SLC2A13: variants seen among roughly 807,000 people sequenced by gnomAD.
The protein encoded by SLC2A13 is solute carrier family 2 member 13, also known as proton myo-inositol cotransporter.
A neutral mutation model predicts 64.4 loss-of-function variants in SLC2A13; 32 were observed. The ratio of observed to expected loss-of-function variants is 0.50; its 90% CI spans 0.37 to 0.67. The LOEUF (loss-of-function observed/expected upper bound fraction) is 0.67. SLC2A13 is among the 30% of genes least tolerant of loss of function. SLC2A13 has a pLI of 0.00. For synonymous variants in SLC2A13, 338 were observed against 327.1 expected (o/e 1.03, Z -0.36); for missense variants, 743 against 829.2 (o/e 0.90, Z 1.28).
Position 40,017,076 on chromosome 12 carries a change from G to A in SLC2A13, c.925+11225C>T, listed in dbSNP as rs569535. 8.9e-3 allele frequency among the ~76,000 whole-genome samples: 1,360 copies of A among 152,180 alleles called. 20 individuals are homozygous for A. The highest frequency in any genetic ancestry group is 0.031 in the African/African-American group (1,290 of 41,512). The stretch of plus-strand genomic sequence containing the variant: ...TCTCATGATGACTAAGTAGGACAGA[G>A]GGAAGGAGTCTACACACTGTAAGAG... On this transcript the variant is annotated intron_variant, in intron 3 of 9. Coordinates refer to ENST00000280871, the MANE Select transcript of SLC2A13 (RefSeq NM_052885.4).
At chr12:39,801,224 T>C (rs1316791427) in intron 7 of SLC2A13, among the ~76,000 whole-genome samples, 1 of 87,704 alleles carries the variant, frequency 1.1e-5, no homozygotes, top group African/African-American at 3.5e-5. Context: ...TGTGCACATG[T>C]ACCCTAAAAC....
At position 39,755,869 on chromosome 12, in the gene SLC2A13, T is replaced by A. The variant is rs947919602; in HGVS notation, c.*4157A>T. The A allele has an allele frequency of 5.9e-5, 9 of 152,048 alleles. No homozygotes were observed. The highest frequency in any genetic ancestry group is 2.0e-4 in the Admixed American group (3 of 15,216). 9.4% of individuals were successfully genotyped at this position (152,048 alleles called of 1,614,324 possible). ...AAATTATACGGATAAAATACTTTCA[T>A]GAACTTCTGAACATCAACACTCTTA... On this transcript the variant is annotated 3_prime_UTR_variant, in exon 10 of 10. Coordinates refer to ENST00000280871, the MANE Select transcript of SLC2A13 (RefSeq NM_052885.4).
intron 7 of SLC2A13, among the ~76,000 whole-genome samples, chr12:39,785,446 A>T (rs535725329): frequency 1.3e-5 from 2 of 152,336 alleles, no homozygotes; most frequent in South Asian, 4.1e-4. Context: ...ATGTATGGAA[A>T]TGCCTGGATG....
intron 1 of SLC2A13, among the ~76,000 whole-genome samples, chr12:40,073,530 T>A (rs1463150541): frequency 1.3e-5 from 2 of 152,136 alleles, no homozygotes. Flanking sequence ...CTTACGTAGA[T>A]CTGAGTTTCT....
At chr12:40,006,808 A>C (rs1947428935) in intron 3 of SLC2A13, among the ~76,000 whole-genome samples, 1 of 152,240 alleles carries the variant, frequency 6.6e-6, no homozygotes, top group Admixed American at 6.5e-5. Flanking sequence ...CCATGTCTAC[A>C]GTGTCGGCTA....
intron 3 of SLC2A13, among the ~76,000 whole-genome samples, chr12:39,976,322 G>A (rs1422206651): frequency 6.6e-6 from 1 of 152,132 alleles, no homozygotes; most frequent in Non-Finnish European, 1.5e-5. Context: ...ATTAGACATG[G>A]TCCTTGATGT....
intron 4 of SLC2A13, among the ~76,000 whole-genome samples, chr12:39,899,997 C>A (rs941184106): frequency 1.3e-5 from 2 of 152,076 alleles, no homozygotes; most frequent in Non-Finnish European, 2.9e-5. Context: ...CCACCATGAT[C>A]AAGTGGGCTT....
intron 1 of SLC2A13, among the ~76,000 whole-genome samples, chr12:40,069,364 T>C (rs1222932569): frequency 4.6e-5 from 7 of 152,114 alleles, no homozygotes; most frequent in African/African-American, 1.7e-4. Context: ...TTTAGTGGTA[T>C]TTAGTAACAA....
chr12:40,080,523 TG>T (rs1565618729), intron 1 of SLC2A13, among the ~76,000 whole-genome samples: 1 of 152,158 alleles, frequency 6.6e-6, no homozygotes, highest in Non-Finnish European at 1.5e-5. Context: ...CCTGAGTAGC[TG>T]GGATTACAGG....
rs1268921303 is a variant in SLC2A13, at chr12:39,795,921, T to C, written c.1446-31063A>G. ...GTCATCAATTCATCCTTTTAAAGCA[T>C]ATAACTCAGTGATTTTCAGTATATT... On this transcript the variant is annotated intron_variant, in intron 7 of 9. Transcript: ENST00000280871. Among the ~76,000 whole-genome samples, 3 of 152,192 alleles carry C rather than the reference T, an allele frequency of 2.0e-5. No individual in the cohort carries two copies. In the East Asian group the frequency reaches 5.8e-4, roughly 29 times the overall value.
intron 1 of SLC2A13, among the ~76,000 whole-genome samples, chr12:40,080,717 T>C (rs369899085): frequency 1.3e-5 from 2 of 152,224 alleles, no homozygotes; most frequent in African/African-American, 4.8e-5. Context: ...AAGGTTAATA[T>C]TGATGTTAAG....
chr12:39,834,743 C>T (rs1233085333), intron 6 of SLC2A13, among the ~76,000 whole-genome samples: 1 of 151,982 alleles, frequency 6.6e-6, no homozygotes, highest in Non-Finnish European at 1.5e-5. Flanking sequence ...GACAAGATTT[C>T]CTACCACTCT....
rs1158126836 is a variant in SLC2A13, at chr12:40,105,429, G to C, written c.380C>G (p.Thr127Arg). The C allele has an allele frequency of 6.4e-7, 1 of 1,553,428 alleles. No individual in the cohort carries two copies. Among genetic ancestry groups the C allele is most frequent in the East Asian group, 2.4e-5 (1 of 41,172 alleles). ...ALWQELLVSS[T>R]VGAAAVSALA... ...CGCCGAGACGGCAGCCGCCCCCACCGTGCTGGACACCAGCAGCTCCTGCCA... is the reference window on the plus strand; with the variant it reads ...CGCCGAGACGGCAGCCGCCCCCACCCTGCTGGACACCAGCAGCTCCTGCCA... The change falls in exon 1 of 10, where the codon ACG (threonine) becomes AGG (arginine). Residue 127 changes from threonine to arginine, a missense_variant. Physicochemically the swap from Thr to Arg is moderately conservative, Grantham distance 71. This residue lies in a region of SLC2A13 where 448 missense variants were observed against 447.4 expected (regional missense o/e 1.00). Coordinates refer to ENST00000280871, the MANE Select transcript of SLC2A13 (RefSeq NM_052885.4). This position sits in a 1 kb window ranked among gnomAD's most constrained non-coding sequence, Gnocchi z 4.2.
chr12:39,929,561 A>T (rs896685121), intron 4 of SLC2A13, among the ~76,000 whole-genome samples: 10 of 151,686 alleles, frequency 6.6e-5, no homozygotes, highest in African/African-American at 2.4e-4. Context: ...AAAAAAAAAA[A>T]GCAAAAGACA....
chr12:39,760,152 T>A lies in SLC2A13; in HGVS notation c.1821A>T (p.Ser607=). 6.2e-7 allele frequency: 1 copy of A among 1,612,806 alleles called. No individual in the cohort carries two copies. The highest frequency in any genetic ancestry group is 2.2e-5 in the East Asian group (1 of 44,814). ...ATGTACATAGCCTGTTGTCAAAGAG[T>A]GATTCAATTTCCTCTAATTTTTTGC... ...TKGKKLEEIE[S]LFDNRLCTCG... The change falls in exon 10 of 10, where the codon TCA becomes TCT. Residue 607 remains serine, a synonymous_variant. Coordinates refer to ENST00000280871, the MANE Select transcript of SLC2A13 (RefSeq NM_052885.4).
At chr12:39,763,366 A>T (rs947193636) in intron 9 of SLC2A13, among the ~76,000 whole-genome samples, 1 of 152,066 alleles carries the variant, frequency 6.6e-6, no homozygotes, top group African/African-American at 2.4e-5. Flanking sequence ...GTCAGAAGAG[A>T]TGGGGAATAG....
At chr12:39,998,243 G>C (rs1392361079) in intron 3 of SLC2A13, among the ~76,000 whole-genome samples, 1 of 152,228 alleles carries the variant, frequency 6.6e-6, no homozygotes, top group Non-Finnish European at 1.5e-5. Flanking sequence ...ACCTGCAGGA[G>C]ACTGGAAACT....
At position 39,968,760 on chromosome 12, in the gene SLC2A13, GTATA is replaced by G. The variant is rs56838055; in HGVS notation, c.926-17399_926-17396del. Among the ~76,000 whole-genome samples the G allele has an allele frequency of 6.5e-4, 39 of 59,826 alleles. 1 individual carries two copies. Among genetic ancestry groups the G allele is most frequent in the Admixed American group, 1.2e-3 (6 of 5,118 alleles). The allele number at this position is 59,826 out of a possible 152,430, so 39.2% of individuals were successfully genotyped here. On this transcript the variant is annotated intron_variant, in intron 3 of 9. Transcript: ENST00000280871. ...TTTTTATTTTTGTTGTTTTTTTTTG[GTATA>G]TATATATATATATATATATATATAT...
intron 6 of SLC2A13, among the ~76,000 whole-genome samples, chr12:39,834,326 CA>C (rs1265594735): frequency 6.6e-6 from 1 of 151,970 alleles, no homozygotes; most frequent in Non-Finnish European, 1.5e-5. Flanking sequence ...AACTCAGAAA[CA>C]AAGATTTCTA....
Sources: allele counts gnomAD v4.1 joint callset (sites outside exome capture counted in the v4.1 genomes callset), GRCh38; gene constraint gnomAD v4.1.1; regional missense constraint gnomAD v4.1.1; non-coding constraint Gnocchi (gnomAD v3.1); transcripts MANE v1.5; gene names NCBI Gene and HGNC (gene_info 2026-07-23, HGNC 2026-07-21).